PIEZO2: variants seen among roughly 807,000 people sequenced by gnomAD.
PIEZO2 encodes piezo-type mechanosensitive ion channel component 2.
PIEZO2 carries 172 observed loss-of-function variants against 337.3 expected under a neutral mutation model. The ratio of observed to expected loss-of-function variants is 0.51; its 90% CI spans 0.45 to 0.58. The LOEUF is 0.58. Among genes scored for constraint, PIEZO2 ranks in the 20% least tolerant of loss-of-function variants. The pLI is 0.00. For synonymous variants in PIEZO2, 1,251 were observed against 1,228.5 expected (o/e 1.02, Z -0.38); for missense variants, 3,028 against 3,391.3 (o/e 0.89, Z 2.66).
At chr18:10,938,999 A>C (rs945784419) in intron 3 of PIEZO2, among the ~76,000 whole-genome samples, 1 of 152,196 alleles carries the variant, frequency 6.6e-6, no homozygotes, top group South Asian at 2.1e-4. Context: ...AGGCAGGAGA[A>C]TCACTTGAAC....
rs1250969303 is a variant in PIEZO2 at position 11,035,783 on chromosome 18, T to G, written c.160+30344A>C. ...TGAGCTAAACAGGTGCAGCACATAT[T>G]TGTAAATAAGCCAACTCCTAAAATA... On this transcript the variant is annotated intron_variant, in intron 2 of 55. Coordinates refer to ENST00000674853, the MANE Select transcript of PIEZO2 (RefSeq NM_001378183.1). The surrounding 1 kb of genome is among the most constrained non-coding windows in gnomAD (Gnocchi z 4.3). Among the ~76,000 whole-genome samples, 6 of 152,198 alleles carry G rather than the reference T, an allele frequency of 3.9e-5. No individual in the cohort carries two copies. The highest frequency in any genetic ancestry group is 3.9e-4 in the Admixed American group (6 of 15,280).
chr18:10,812,332 C>T (rs910324461), intron 7 of PIEZO2, among the ~76,000 whole-genome samples: 4 of 152,054 alleles, frequency 2.6e-5, no homozygotes, highest in Non-Finnish European at 5.9e-5. Flanking sequence ...ACACTGAGTA[C>T]ACACGGACAC....
At chr18:10,719,949 G>A (rs977614323) in intron 36 of PIEZO2, among the ~76,000 whole-genome samples, 8 of 151,900 alleles carry the variant, frequency 5.3e-5, no homozygotes, top group African/African-American at 1.9e-4. Flanking sequence ...ATAGACCCAG[G>A]GATGAGGCTA....
chr18:10,748,742 C>CAGAA lies in PIEZO2; in HGVS notation c.4265-113_4265-112insTTCT. ...GAAATATAGGCATAAAAGCAGCATT[C>CAGAA]TGATGCTCTGACTTACTTATGAGTT... is the stretch of plus-strand genomic sequence containing the variant. On this transcript the variant is annotated intron_variant, in intron 29 of 55. Transcript: ENST00000674853. This position sits in a 1 kb window ranked among gnomAD's most constrained non-coding sequence, Gnocchi z 5.1. The CAGAA allele has an allele frequency of 7.3e-6, 7 of 956,978 alleles. No individual in the cohort carries two copies. Among genetic ancestry groups the CAGAA allele is most frequent in the Non-Finnish European group, 1.0e-5 (7 of 676,640 alleles). The allele number at this position is 956,978 out of a possible 1,614,324, so 59.3% of individuals were successfully genotyped here.
intron 7 of PIEZO2, among the ~76,000 whole-genome samples, chr18:10,839,907 C>T (rs1276053276): frequency 6.6e-6 from 1 of 152,102 alleles, no homozygotes; most frequent in Non-Finnish European, 1.5e-5. Context: ...CAGAAAGAAA[C>T]AAGCGTATCT....
At position 10,813,636 on chromosome 18, in the gene PIEZO2, A is replaced by T. The variant is rs9945829; in HGVS notation, c.918-6362T>A. ...TATACATATGTATGTCCCATTTGTT[A>T]ATTCATCTGTTGATGGCACTTCCAC... On this transcript the variant is annotated intron_variant, in intron 7 of 55. Coordinates refer to ENST00000674853, the MANE Select transcript of PIEZO2 (RefSeq NM_001378183.1). This position sits in a 1 kb window ranked among gnomAD's most constrained non-coding sequence, Gnocchi z 4.2. Among the ~76,000 whole-genome samples the T allele has an allele frequency of 1, 152,227 of 152,322 alleles. 76,066 individuals are homozygous for T. Among genetic ancestry groups the T allele is most frequent in the East Asian group, 1 (5,174 of 5,174 alleles).
chr18:10,732,244 GA>G (rs796807646), intron 35 of PIEZO2, among the ~76,000 whole-genome samples: 9 of 152,266 alleles, frequency 5.9e-5, no homozygotes, highest in African/African-American at 2.2e-4. Context: ...AGAACAAAAA[GA>G]AAACCTTGAT....
chr18:10,719,399 G>C lies in PIEZO2; in HGVS notation c.5030-1140C>G, dbSNP rs554113382. 2.0e-5 allele frequency among the ~76,000 whole-genome samples: 3 copies of C among 152,154 alleles called. No homozygotes were observed. In the East Asian group the frequency reaches 5.8e-4, roughly 29 times the overall value. On this transcript the variant is annotated intron_variant, in intron 36 of 55. Coordinates refer to ENST00000674853, the MANE Select transcript of PIEZO2 (RefSeq NM_001378183.1). The stretch of plus-strand genomic sequence containing the variant: ...TCTCCAGTGTCTATGACTGCCCTCC[G>C]TATGCCCATGTGCACCCATTGCTTA...
chr18:10,802,025 G>T (rs2039836758), intron 9 of PIEZO2, among the ~76,000 whole-genome samples: 1 of 145,294 alleles, frequency 6.9e-6, no homozygotes, highest in Non-Finnish European at 1.5e-5. Context: ...GGCGGAGCTT[G>T]CAGTGAGCCG....
intron 13 of PIEZO2, among the ~76,000 whole-genome samples, chr18:10,793,035 C>A (rs997042202): frequency 1.3e-5 from 2 of 152,170 alleles, no homozygotes; most frequent in African/African-American, 4.8e-5. Context: ...GCAGGTGGAT[C>A]ATGAGATCAG....
At chr18:10,702,224 T>C (rs544432345) in intron 42 of PIEZO2, 53 bp from the exon 43 acceptor site, 3 of 1,465,180 alleles carry the variant, frequency 2.0e-6, no homozygotes, top group African/African-American at 1.4e-5. Flanking sequence ...GGAATAGATA[T>C]ACCTGTATAT....
rs896844837 is a variant in PIEZO2, at chr18:10,855,917, C to CA, written c.704-352dup. Among the ~76,000 whole-genome samples the CA allele has an allele frequency of 4.0e-4, 61 of 152,174 alleles. 1 individual carries two copies. Among genetic ancestry groups the CA allele is most frequent in the African/African-American group, 1.5e-3 (61 of 41,524 alleles). On this transcript the variant is annotated intron_variant, in intron 6 of 55. Transcript: ENST00000674853. This position sits in a 1 kb window ranked among gnomAD's most constrained non-coding sequence, Gnocchi z 4.9. ...TACTTCTCCCAAATTTTCAAGAATT[C>CA]ATGTATCTGTATGTCTGTTCCAACC... is the stretch of plus-strand genomic sequence containing the variant.
At chr18:10,758,240 G>A in intron 26 of PIEZO2, 106 bp from the exon 27 acceptor site, 2 of 1,281,468 alleles carry the variant, frequency 1.6e-6, no homozygotes, top group Non-Finnish European at 2.1e-6. Flanking sequence ...GCTCCTAAGT[G>A]AGTTGTGTTC....
chr18:10,896,838 A>C (rs1386679661), intron 4 of PIEZO2, among the ~76,000 whole-genome samples: 9 of 152,194 alleles, frequency 5.9e-5, no homozygotes, highest in African/African-American at 2.2e-4. Context: ...CTGTTGGTTC[A>C]GTTCTGCTCA....
intron 47 of PIEZO2, among the ~76,000 whole-genome samples, chr18:10,694,187 T>A (rs1041356471): frequency 1.3e-5 from 2 of 151,754 alleles, no homozygotes; most frequent in East Asian, 1.9e-4. Context: ...AATTAGAATT[T>A]ATTTTTAATA....
intron 47 of PIEZO2, among the ~76,000 whole-genome samples, chr18:10,693,877 T>C (rs537005876): frequency 6.6e-6 from 1 of 152,310 alleles, no homozygotes; most frequent in South Asian, 2.1e-4. Context: ...GGTTTTGTAC[T>C]GAAAAATGTA....
chr18:10,725,570 C>T, intron 36 of PIEZO2: 2 of 1,363,562 alleles, frequency 1.5e-6, no homozygotes, highest in Non-Finnish European at 2.0e-6. Flanking sequence ...CTCCCCTGTC[C>T]CTCCTGAGGT....
intron 2 of PIEZO2, among the ~76,000 whole-genome samples, chr18:10,991,235 T>A (rs1262809995): frequency 1.5e-5 from 2 of 134,710 alleles, no homozygotes; most frequent in South Asian, 2.2e-4. Context: ...CACACACACA[T>A]TTTTTTTTCT....
At chr18:11,122,463 T>C (rs559489985) in intron 1 of PIEZO2, among the ~76,000 whole-genome samples, 4 of 152,346 alleles carry the variant, frequency 2.6e-5, no homozygotes, top group African/African-American at 9.6e-5. Flanking sequence ...ATGTTAATTT[T>C]CCTTCCTCTA....
Sources: allele counts gnomAD v4.1 joint callset (sites outside exome capture counted in the v4.1 genomes callset), GRCh38; gene constraint gnomAD v4.1.1; non-coding constraint Gnocchi (gnomAD v3.1); transcripts MANE v1.5; gene names NCBI Gene and HGNC (gene_info 2026-07-23, HGNC 2026-07-21).